The following CAPN13 variants were observed in gnomAD, a reference collection of about 807,000 sequenced individuals.
CAPN13 encodes calpain-13.
Under a neutral mutation model 98.4 loss-of-function variants are expected in CAPN13, and 90 were observed. The ratio of observed to expected loss-of-function variants is 0.92; its 90% CI spans 0.77 to 1.09. The LOEUF is 1.09. Among genes scored for constraint, CAPN13 ranks in the 50% least tolerant of loss-of-function variants. CAPN13 has a pLI of 0.00. For missense variants in CAPN13, 887 were observed against 841.3 expected (o/e 1.05, Z -0.67); for synonymous variants, 330 against 305.5 (o/e 1.08, Z -0.84).
At chr2:30,765,087 T>C (rs1673045372) in intron 5 of CAPN13, among the ~76,000 whole-genome samples, 2 of 152,144 alleles carry the variant, frequency 1.3e-5, no homozygotes, top group African/African-American at 4.8e-5. Context: ...GGCATTTCTG[T>C]TTCTGGGAGA....
intron 1 of CAPN13, among the ~76,000 whole-genome samples, chr2:30,787,775 G>C (rs761936716): frequency 1.3e-5 from 2 of 152,158 alleles, no homozygotes; most frequent in Non-Finnish European, 2.9e-5. Context: ...GGCAGAGAGG[G>C]TGGGTAGGAA....
At chr2:30,743,902 T>C (rs1171801842) in intron 12 of CAPN13, among the ~76,000 whole-genome samples, 1 of 152,216 alleles carries the variant, frequency 6.6e-6, no homozygotes, top group East Asian at 1.9e-4. Flanking sequence ...AGTGACATCA[T>C]TTTGACACTG....
At chr2:30,750,863 C>T (rs749968198) in intron 11 of CAPN13, among the ~76,000 whole-genome samples, 4 of 152,208 alleles carry the variant, frequency 2.6e-5, no homozygotes, top group African/African-American at 4.8e-5. Context: ...TCCCAGAAAA[C>T]GCTGACAGGC....
intron 2 of CAPN13, among the ~76,000 whole-genome samples, chr2:30,785,783 C>A (rs1341318460): frequency 6.6e-6 from 1 of 152,162 alleles, no homozygotes. Context: ...TAATCTCAGC[C>A]TCTGAAAATA....
chr2:30,791,062 C>G (rs1434800046), intron 1 of CAPN13, among the ~76,000 whole-genome samples: 3 of 152,146 alleles, frequency 2.0e-5, no homozygotes, highest in Non-Finnish European at 4.4e-5. Context: ...ACAATTCAGG[C>G]CTTGGCAGTG....
chr2:30,786,853 G>C (rs748952570), intron 2 of CAPN13, among the ~76,000 whole-genome samples: 1 of 152,144 alleles, frequency 6.6e-6, no homozygotes, highest in Non-Finnish European at 1.5e-5. Context: ...CTTCATACCC[G>C]TGGTTTCCCA....
At chr2:30,796,002 A>C (rs888525694) in intron 1 of CAPN13, among the ~76,000 whole-genome samples, 3 of 151,730 alleles carry the variant, frequency 2.0e-5, no homozygotes, top group African/African-American at 7.3e-5. Context: ...AAATACTTTG[A>C]GTACTTAGGA....
chr2:30,785,096 T>C (rs10186446), intron 2 of CAPN13, among the ~76,000 whole-genome samples: 25,407 of 152,216 alleles, frequency 0.17, 2,219 homozygotes, highest in Middle Eastern at 0.22. Flanking sequence ...ACTTGAAACA[T>C]GCATCAGGCA....
intron 5 of CAPN13, among the ~76,000 whole-genome samples, chr2:30,766,833 T>C (rs1231673411): frequency 6.6e-6 from 1 of 152,204 alleles, no homozygotes; most frequent in Non-Finnish European, 1.5e-5. Flanking sequence ...AACAAAACCC[T>C]AAATATGGTT....
At chr2:30,749,686 A>G (rs1672079103) in intron 11 of CAPN13, among the ~76,000 whole-genome samples, 1 of 152,028 alleles carries the variant, frequency 6.6e-6, no homozygotes, top group Non-Finnish European at 1.5e-5. Context: ...TCTGCCATTA[A>G]CTCTGACCAT....
At chr2:30,785,590 G>A (rs1174462284) in intron 2 of CAPN13, among the ~76,000 whole-genome samples, 1 of 152,134 alleles carries the variant, frequency 6.6e-6, no homozygotes, top group Non-Finnish European at 1.5e-5. Flanking sequence ...TTTCACTTCT[G>A]TTGGCCTCAG....
chr2:30,743,092 C>A, intron 13 of CAPN13: 1 of 436,692 alleles, frequency 2.3e-6, no homozygotes, highest in East Asian at 4.1e-5. Flanking sequence ...GCCCAGCTCA[C>A]GTGTCATTTC....
intron 1 of CAPN13, among the ~76,000 whole-genome samples, chr2:30,796,513 C>T (rs928484331): frequency 6.6e-6 from 1 of 151,946 alleles, no homozygotes; most frequent in Non-Finnish European, 1.5e-5. Flanking sequence ...ACATTTTTAT[C>T]TTGGTCCTTA....
rs145325579 is a variant in CAPN13, at chr2:30,758,827, T to TCCTCCCTCCCTTCCTCCCTTCCTTCCTC, written c.775-691_775-690insGAGGAAGGAAGGGAGGAAGGGAGGGAGG. On this transcript the variant is annotated intron_variant, in intron 7 of 22. Transcript: ENST00000295055. ...CCCTCCCTTCCCTTCCTCCCTTCCT[T>TCCTCCCTCCCTTCCTCCCTTCCTTCCTC]CCTCCCTTCCTTCTTTCCCTTTCTC... 7.6e-3 allele frequency among the ~76,000 whole-genome samples: 603 copies of TCCTCCCTCCCTTCCTCCCTTCCTTCCTC among 79,864 alleles called. 8 individuals carry two copies. Among genetic ancestry groups the TCCTCCCTCCCTTCCTCCCTTCCTTCCTC allele is most frequent in the African/African-American group, 0.028 (562 of 20,116 alleles). 52.4% of individuals were successfully genotyped at this position (79,864 alleles called of 152,430 possible).
At chr2:30,756,779 C>A (rs980379721) in intron 8 of CAPN13, among the ~76,000 whole-genome samples, 5 of 152,244 alleles carry the variant, frequency 3.3e-5, no homozygotes, top group African/African-American at 9.6e-5. Flanking sequence ...AGAGGAGAAA[C>A]GGGGGCAGGG....
intron 11 of CAPN13, among the ~76,000 whole-genome samples, 160 bp from the exon 12 acceptor site, chr2:30,745,894 A>ATTTTTTTTTTT (rs57880021): frequency 2.2e-5 from 2 of 92,790 alleles, no homozygotes; most frequent in Non-Finnish European, 4.0e-5. Context: ...GCCATAAAGC[A>ATTTTTTTTTTT]TTTTTTTTTT....
intron 15 of CAPN13, among the ~76,000 whole-genome samples, chr2:30,739,868 T>C (rs1247256684): frequency 6.6e-6 from 1 of 152,180 alleles, no homozygotes; most frequent in East Asian, 1.9e-4. Flanking sequence ...CAATGCAAGA[T>C]GCCCAAAAGC....
intron 1 of CAPN13, 124 bp downstream of exon 1, chr2:30,807,178 G>A (rs1211912192): frequency 1.3e-5 from 2 of 152,204 alleles, no homozygotes; most frequent in South Asian, 2.1e-4. Context: ...TACTGAATAT[G>A]TACCTTGGGA....
intron 11 of CAPN13, among the ~76,000 whole-genome samples, chr2:30,748,026 G>A (rs569144061): frequency 1.3e-5 from 2 of 152,338 alleles, no homozygotes; most frequent in South Asian, 4.1e-4. Flanking sequence ...TGAAGACTTT[G>A]GGTGAATCAA....
Sources: allele counts gnomAD v4.1 joint callset (sites outside exome capture counted in the v4.1 genomes callset), GRCh38; gene constraint gnomAD v4.1.1; transcripts MANE v1.5; gene names NCBI Gene and HGNC (gene_info 2026-07-23, HGNC 2026-07-21).